The following CHRNB1 variants were observed in gnomAD, a reference collection of about 807,000 sequenced individuals.
The protein encoded by CHRNB1 is acetylcholine receptor subunit beta.
In CHRNB1, 47 loss-of-function variants were observed where a neutral mutation model predicts 53.8. That is an observed-to-expected ratio of 0.87 (90% CI 0.69 to 1.11). The LOEUF (loss-of-function observed/expected upper bound fraction) is 1.11. Among genes scored for constraint, CHRNB1 ranks in the 50% most tolerant of loss-of-function variants. The pLI is 0.00. For synonymous variants in CHRNB1, 259 were observed against 263.5 expected (o/e 0.98, Z 0.16); for missense variants, 605 against 654.9 (o/e 0.92, Z 0.83).
At chr17:7,454,794 CTTTTTTTTTTT>C (rs1171593191) in intron 8 of CHRNB1, among the ~76,000 whole-genome samples, 7 of 65,538 alleles carry the variant, frequency 1.1e-4, no homozygotes, top group African/African-American at 4.5e-4. Context: ...CACTAAATAG[CTTTTTTTTTTT>C]TTTTTTTTTT....
In CHRNB1 at chr17:7,448,069, C is replaced by T. The variant is rs868429982; in HGVS notation, c.610+419C>T. The stretch of plus-strand genomic sequence containing the variant: ...CAGCTTCGGTAACAGAGTGAAAGTT[C>T]GTCTCAAAAAAAAAAAAAAAAAAAA... On this transcript the variant is annotated intron_variant, in intron 6 of 10. Coordinates refer to ENST00000306071, the MANE Select transcript of CHRNB1 (RefSeq NM_000747.3). 3.7e-3 allele frequency among the ~76,000 whole-genome samples: 249 copies of T among 68,116 alleles called. 3 individuals are homozygous for T. The highest frequency in any genetic ancestry group is 0.016 in the African/African-American group (241 of 14,758). The allele number at this position is 68,116 out of a possible 152,430, so 44.7% of individuals were successfully genotyped here.
chr17:7,455,732 G>A (rs1248168199), intron 9 of CHRNB1, 62 bp from the exon 10 acceptor site: 1 of 1,610,526 alleles, frequency 6.2e-7, no homozygotes, highest in Admixed American at 1.7e-5. Context: ...GCTGGAGCGG[G>A]GCCTGGGTCG....
chr17:7,454,242 T>C (rs1333604332), intron 7 of CHRNB1, 55 bp from the exon 8 acceptor site: 2 of 1,410,230 alleles, frequency 1.4e-6, no homozygotes, highest in Non-Finnish European at 2.0e-6. Context: ...GATTATGCCA[T>C]AGAGCTTTCC....
Position 7,446,900 on chromosome 17 carries a change from C to A in CHRNB1, c.311C>A (p.Thr104Lys). The change falls in exon 4 of 11, where the codon ACG becomes AAG. Residue 104 changes from threonine (T) to lysine (K), a missense_variant. Transcript: ENST00000306071. The stretch of plus-strand genomic sequence containing the variant: ...GACGGCATCGATTCGCTCCGCATCA[C>A]GGCGGAATCCGTGTGGCTCCCTGAC... ...EHDGIDSLRI[T>K]AESVWLPDVV... is the part of the protein sequence containing the mutation. 6.2e-7 allele frequency: 1 copy of A among 1,610,702 alleles called. No individual in the cohort carries two copies. The highest frequency in any genetic ancestry group is 8.5e-7 in the Non-Finnish European group (1 of 1,178,478).
Position 7,451,106 on chromosome 17 carries a change from T to G in CHRNB1, c.820+2318T>G, listed in dbSNP as rs534687827. ...CCTATAGACCATAACCAGCTGCGTTTCAAAGGGACTCTAGACCCAGGAAGG... is the reference window on the plus strand; with the variant it reads ...CCTATAGACCATAACCAGCTGCGTTGCAAAGGGACTCTAGACCCAGGAAGG... On this transcript the variant is annotated intron_variant, in intron 7 of 10. Coordinates refer to ENST00000306071, the MANE Select transcript of CHRNB1 (RefSeq NM_000747.3). 1.4e-4 allele frequency among the ~76,000 whole-genome samples: 22 copies of G among 152,102 alleles called. No homozygotes were observed. The South Asian group carries it at 3.3e-3, about 23-fold the overall frequency.
chr17:7,452,057 CTTTTT>C (rs34297883), intron 7 of CHRNB1, among the ~76,000 whole-genome samples: 1 of 138,836 alleles, frequency 7.2e-6, no homozygotes, highest in Non-Finnish European at 1.6e-5. Flanking sequence ...TTTCCTTTTT[CTTTTT>C]TTTTTTTTTT....
chr17:7,447,606 G>C lies in CHRNB1; in HGVS notation c.566G>C (p.Gly189Ala), dbSNP rs755394373. Residue 189 changes from glycine (G) to alanine (A), a missense_variant, in exon 6 of 11, where the codon GGG becomes GCG. Physicochemically the swap from Gly to Ala is moderately conservative, Grantham distance 60. Coordinates refer to ENST00000306071, the MANE Select transcript of CHRNB1 (RefSeq NM_000747.3). ...CTGCAGACAGGCCTGGGTCCTGACG[G>C]GCAAGGGCATCAGGAAATCCACATT... ...VSLQTGLGPD[G>A]QGHQEIHIHE... 2.5e-6 allele frequency: 4 copies of C among 1,614,072 alleles called. No individual in the cohort carries two copies. The highest frequency in any genetic ancestry group is 3.4e-6 in the Non-Finnish European group (4 of 1,180,042).
chr17:7,448,772 C>T lies in CHRNB1; in HGVS notation c.804C>T (p.Tyr268=). 1 of 1,614,210 alleles carries T rather than the reference C, an allele frequency of 6.2e-7. No individual in the cohort carries two copies. The highest frequency in any genetic ancestry group is 8.5e-7 in the Non-Finnish European group (1 of 1,180,028). Residue 268 remains tyrosine (Y), a synonymous_variant, in exon 7 of 11, where the codon TAC becomes TAT. Transcript: ENST00000306071. ...CTCTTCTGGCCATCTTCGTCTTCTA[C>T]CTGCCACCAGATGCAGGTAATGGGG... is the stretch of plus-strand genomic sequence containing the variant. ...LITLLAIFVF[Y]LPPDAGEKMG... is the part of the protein sequence containing the mutation.
At position 7,445,522 on chromosome 17, in the gene CHRNB1, G is replaced by A. The variant is rs1908570641; in HGVS notation, c.198+113G>A. ...GCGGGGCCTGGGACGAGACCAGGCT[G>A]AGATGGACCAGCCTTTGGTGAAGAT... On this transcript the variant is annotated intron_variant, in intron 2 of 10. Transcript: ENST00000306071. The surrounding 1 kb of genome is among the most constrained non-coding windows in gnomAD (Gnocchi z 5.7). 3 of 1,536,198 alleles carry A rather than the reference G, an allele frequency of 2.0e-6. No homozygotes were observed. Among genetic ancestry groups the A allele is most frequent in the Non-Finnish European group, 2.6e-6 (3 of 1,145,602 alleles).
At chr17:7,453,676 CT>C (rs1281794656) in intron 7 of CHRNB1, among the ~76,000 whole-genome samples, 4 of 146,050 alleles carry the variant, frequency 2.7e-5, no homozygotes, top group East Asian at 2.1e-4. Context: ...CAGCCTCCAT[CT>C]TCCACACTCA....
At chr17:7,448,123 C>T (rs1242216672) in intron 6 of CHRNB1, among the ~76,000 whole-genome samples, 3 of 140,572 alleles carry the variant, frequency 2.1e-5, no homozygotes, top group Non-Finnish European at 4.5e-5. Context: ...CAGTGGCTCA[C>T]GACTTAATCT....
chr17:7,446,801 C>T (rs1172312423), intron 3 of CHRNB1, 32 bp from the exon 4 acceptor site: 1 of 1,579,410 alleles, frequency 6.3e-7, no homozygotes, highest in Middle Eastern at 1.9e-4. Context: ...GGCCTCCAAC[C>T]CGGGGCAGCC....
chr17:7,455,824 G>A lies in CHRNB1; in HGVS notation c.1248G>A (p.Leu416=), dbSNP rs774757392. The A allele has an allele frequency of 3.2e-5, 52 of 1,614,014 alleles. No individual in the cohort carries two copies. The Admixed American group carries it at 7.5e-4, about 23-fold the overall frequency. ...AGCCTGAACTGTCTGCCCCTGATCT[G>A]CGGCGATTTATCGATGGTCCAAACC... The part of the protein sequence containing the change: ...RFQPELSAPD[L]RRFIDGPNRA... Residue 416 remains leucine (L), a synonymous_variant, in exon 10 of 11, where the codon CTG becomes CTA. Coordinates refer to ENST00000306071, the MANE Select transcript of CHRNB1 (RefSeq NM_000747.3).
chr17:7,445,491 C>A lies in CHRNB1; in HGVS notation c.198+82C>A. ...TAGGCAAGGCCGGACCAGGGACAGGCTGGGGGCGGGGCCTGGGACGAGACC... is the reference window on the plus strand; with the variant it reads ...TAGGCAAGGCCGGACCAGGGACAGGATGGGGGCGGGGCCTGGGACGAGACC... On this transcript the variant is annotated intron_variant, in intron 2 of 10. Transcript: ENST00000306071. This position sits in a 1 kb window ranked among gnomAD's most constrained non-coding sequence, Gnocchi z 5.7. The A allele has an allele frequency of 6.4e-7, 1 of 1,567,446 alleles. No individual in the cohort carries two copies. Among genetic ancestry groups the A allele is most frequent in the South Asian group, 1.1e-5 (1 of 87,306 alleles).
chr17:7,451,821 C>T (rs12943744), intron 7 of CHRNB1, among the ~76,000 whole-genome samples: 3 of 151,922 alleles, frequency 2.0e-5, no homozygotes, highest in Admixed American at 1.3e-4. Context: ...TTCCAGGGCC[C>T]GTCCTCCATG....
rs375829198 is a variant in CHRNB1 at position 7,455,273 on chromosome 17, C to G, written c.1045-11C>G. On this transcript the variant is annotated splice_polypyrimidine_tract_variant and intron_variant, in intron 8 of 10. Transcript: ENST00000306071. ...GAAAGCCCCCACCAATACGCCTCTT[C>G]TACTCTGCAGATCTTCATTCACAAA... 25 of 1,613,876 alleles carry G rather than the reference C, an allele frequency of 1.5e-5. No individual in the cohort carries two copies. The African/African-American group carries it at 3.2e-4, about 21-fold the overall frequency.
At chr17:7,447,333 A>C in intron 5 of CHRNB1, 170 bp from the exon 6 acceptor site, 1 of 919,436 alleles carries the variant, frequency 1.1e-6, no homozygotes, top group Non-Finnish European at 1.7e-6. Flanking sequence ...TTTGACTTCT[A>C]GTCTTACTCA....
At chr17:7,453,582 C>CTT (rs71157287) in intron 7 of CHRNB1, among the ~76,000 whole-genome samples, 4,781 of 95,834 alleles carry the variant, frequency 0.05, 226 homozygotes, top group Admixed American at 0.099. Flanking sequence ...AAAAGCCTGT[C>CTT]TTTTTTTTTT....
chr17:7,455,875 A>G lies in CHRNB1; in HGVS notation c.1299A>G (p.Leu433=). 6.2e-7 allele frequency: 1 copy of G among 1,614,034 alleles called. No individual in the cohort carries two copies. The highest frequency in any genetic ancestry group is 8.5e-7 in the Non-Finnish European group (1 of 1,180,000). The change falls in exon 10 of 11, where the codon CTA becomes CTG. Residue 433 remains leucine (L), a synonymous_variant. Coordinates refer to ENST00000306071, the MANE Select transcript of CHRNB1 (RefSeq NM_000747.3). The part of the protein sequence containing the change: ...PNRAVALLPE[L]REVVSSISYI... Reference sequence around the variant, plus strand: ...GGGCTGTGGCCCTGCTTCCGGAGCTACGGGAGGTCGTCTCCTCTATCAGCT... The same window carrying G: ...GGGCTGTGGCCCTGCTTCCGGAGCTGCGGGAGGTCGTCTCCTCTATCAGCT...
Sources: gnomAD v4.1 joint callset for allele counts (sites outside exome capture counted in the v4.1 genomes callset) on GRCh38, gnomAD v4.1.1 for gene constraint, Gnocchi (gnomAD v3.1) non-coding constraint, MANE v1.5 for transcripts, NCBI Gene and HGNC (gene_info 2026-07-23, HGNC 2026-07-21) for gene names.